The following WASL variants were observed in gnomAD, a reference collection of about 807,000 sequenced individuals.
WASL encodes the protein actin nucleation-promoting factor WASL.
Under a neutral mutation model 55.5 loss-of-function variants are expected in WASL, and 20 were observed. The ratio of observed to expected loss-of-function variants is 0.36; its 90% CI spans 0.25 to 0.52. The LOEUF (loss-of-function observed/expected upper bound fraction) is 0.52. WASL is among the 20% of genes least tolerant of loss of function. The pLI is 0.92. For missense variants in WASL, 504 were observed against 622.5 expected (o/e 0.81, Z 2.03); for synonymous variants, 249 against 217.6 (o/e 1.14, Z -1.27).
At chr7:123,696,855 A>G (rs1268665719) in intron 5 of WASL, 108 bp from the exon 6 acceptor site, 1 of 768,262 alleles carries the variant, frequency 1.3e-6, no homozygotes, top group Non-Finnish European at 1.8e-6. Flanking sequence ...ACTTCATTAT[A>G]AATTATTTAT....
At position 123,692,640 on chromosome 7, in the gene WASL, A is replaced by T; in HGVS notation, c.1054T>A (p.Ser352Thr). Residue 352 changes from serine (S) to threonine (T), a missense_variant, in exon 9 of 11, where the codon TCC becomes ACC. Coordinates refer to ENST00000223023, the MANE Select transcript of WASL (RefSeq NM_003941.4). Reference sequence around the variant, plus strand: ...GGTGGAGGCCCTGAAGGTGCTGAGGAGGGAAGGGCTGGAGGTGGAGGAGGG... The same window carrying T: ...GGTGGAGGCCCTGAAGGTGCTGAGGTGGGAAGGGCTGGAGGTGGAGGAGGG... ...MYPPPPPALPSSAPSGPPPPP... is the reference protein window; with the variant it reads ...MYPPPPPALPTSAPSGPPPPP... 6.3e-7 allele frequency: 1 copy of T among 1,582,972 alleles called. No homozygotes were observed. Among genetic ancestry groups the T allele is most frequent in the South Asian group, 1.1e-5 (1 of 87,874 alleles).
rs1252692318 is a variant in WASL, at chr7:123,706,886, CAAAG to C, written c.253-64_253-61del. The C allele has an allele frequency of 1.8e-4, 185 of 1,044,392 alleles. 4 individuals carry two copies. The East Asian group carries it at 2.2e-3, about 13-fold the overall frequency. The allele number at this position is 1,044,392 out of a possible 1,614,324, so 64.7% of individuals were successfully genotyped here. A position where few individuals can be genotyped will look rare whatever the true frequency, so the allele number is the denominator to read the frequency against. ...CAAAACATAATCTCTAGGAATAAAA[CAAAG>C]AAGATGACTCATATTAAGAAAACTG... is the stretch of plus-strand genomic sequence containing the variant. On this transcript the variant is annotated intron_variant, in intron 2 of 10. Coordinates refer to ENST00000223023, the MANE Select transcript of WASL (RefSeq NM_003941.4).
rs748078275 is a variant in WASL at position 123,692,617 on chromosome 7, T to C, written c.1077A>G (p.Pro359=). The C allele has an allele frequency of 1.2e-6, 2 of 1,600,800 alleles. No individual in the cohort carries two copies. The highest frequency in any genetic ancestry group is 1.7e-6 in the Non-Finnish European group (2 of 1,174,180). Residue 359 remains proline, a synonymous_variant, in exon 9 of 11, where the codon CCA becomes CCG. Coordinates refer to ENST00000223023, the MANE Select transcript of WASL (RefSeq NM_003941.4). ...ALPSSAPSGP[P]PPPPSVLGVG... ...CCCCCAACACAGATGGAGGTGGTGG[T>C]GGAGGCCCTGAAGGTGCTGAGGAGG...
Position 123,684,587 on chromosome 7 carries a change from GA to G in WASL, c.1457-8del. The stretch of plus-strand genomic sequence containing the variant: ...TCTTCATCTTCATCTTCATCTACAA[GA>G]AAATCAAGACAATTAAAACATATGC... On this transcript the variant is annotated splice_region_variant and splice_polypyrimidine_tract_variant and intron_variant, in intron 10 of 10. Transcript: ENST00000223023. 6.7e-7 allele frequency: 1 copy of G among 1,496,824 alleles called. No homozygotes were observed. Among genetic ancestry groups the G allele is most frequent in the African/African-American group, 1.4e-5 (1 of 70,852 alleles). 92.7% of individuals were successfully genotyped at this position (1,496,824 alleles called of 1,614,324 possible). A position where few individuals can be genotyped will look rare whatever the true frequency, so the allele number is the denominator to read the frequency against.
chr7:123,706,668 A>T, intron 3 of WASL, 72 bp downstream of exon 3: 1 of 1,131,520 alleles, frequency 8.8e-7, no homozygotes, highest in Non-Finnish European at 1.3e-6. Context: ...ATAAGGTTCT[A>T]TAAATAATTT....
chr7:123,712,359 A>G (rs1464020699), intron 1 of WASL, among the ~76,000 whole-genome samples: 1 of 152,190 alleles, frequency 6.6e-6, no homozygotes, highest in African/African-American at 2.4e-5. Context: ...GTGAACAAGT[A>G]TTTGTTAAAA....
At chr7:123,717,482 T>C (rs1303385233) in intron 1 of WASL, among the ~76,000 whole-genome samples, 2 of 152,180 alleles carry the variant, frequency 1.3e-5, no homozygotes. Context: ...TAATTTCCTG[T>C]CCCTCTTGGA....
chr7:123,738,883 AAAAC>A (rs1804282600), intron 1 of WASL, among the ~76,000 whole-genome samples: 2 of 152,106 alleles, frequency 1.3e-5, no homozygotes, highest in Admixed American at 1.3e-4. Flanking sequence ...GAGCAAAACA[AAAAC>A]AAAAAACTGC....
chr7:123,748,825 A>G lies in WASL; in HGVS notation c.-91T>C. ...CCCTCTCGGTGACAGGGGCGGGGAG[A>G]AGTGGAGTCAGAGGCGCCACATCTC... is the stretch of plus-strand genomic sequence containing the variant. On this transcript the variant is annotated 5_prime_UTR_variant, in exon 1 of 11. Transcript: ENST00000223023. 1 of 1,135,320 alleles carries G rather than the reference A, an allele frequency of 8.8e-7. No homozygotes were observed. The highest frequency in any genetic ancestry group is 1.2e-6 in the Non-Finnish European group (1 of 823,688). 70.3% of individuals were successfully genotyped at this position (1,135,320 alleles called of 1,614,324 possible).
At chr7:123,689,542 T>A (rs1185613698) in intron 9 of WASL, among the ~76,000 whole-genome samples, 2 of 152,126 alleles carry the variant, frequency 1.3e-5, no homozygotes, top group African/African-American at 4.8e-5. Flanking sequence ...GACTCCAGAG[T>A]TGTTACGTGG....
In WASL at chr7:123,682,065, A is replaced by T. The variant is rs997193577; in HGVS notation, c.*2454T>A. The T allele has an allele frequency of 1.3e-5, 2 of 152,172 alleles. No individual in the cohort carries two copies. The highest frequency in any genetic ancestry group is 1.3e-4 in the Admixed American group (2 of 15,252). 9.4% of individuals were successfully genotyped at this position (152,172 alleles called of 1,614,324 possible). A position where few individuals can be genotyped will look rare whatever the true frequency, so the allele number is the denominator to read the frequency against. ...CTAAACAAAATTTCAGTTGTCTGAA[A>T]ATGAAATGATTGAAAGTCTTTATGA... On this transcript the variant is annotated 3_prime_UTR_variant, in exon 11 of 11. Coordinates refer to ENST00000223023, the MANE Select transcript of WASL (RefSeq NM_003941.4).
chr7:123,700,734 G>A (rs1006604066), intron 5 of WASL, among the ~76,000 whole-genome samples: 3 of 152,114 alleles, frequency 2.0e-5, no homozygotes, highest in Non-Finnish European at 2.9e-5. Flanking sequence ...CACCGTGCCC[G>A]GCCAACTATT....
intron 10 of WASL, among the ~76,000 whole-genome samples, chr7:123,686,172 T>C (rs1048401512): frequency 4.0e-5 from 6 of 151,588 alleles, no homozygotes; most frequent in Admixed American, 6.6e-5. Context: ...CTAAACTAAG[T>C]TGTTACTTTT....
At chr7:123,734,452 C>T (rs1308982901) in intron 1 of WASL, among the ~76,000 whole-genome samples, 2 of 152,020 alleles carry the variant, frequency 1.3e-5, no homozygotes, top group Non-Finnish European at 2.9e-5. Flanking sequence ...ATTAAAATAA[C>T]TAAAAATCCA....
chr7:123,732,568 C>G (rs1804158049), intron 1 of WASL, among the ~76,000 whole-genome samples: 1 of 152,012 alleles, frequency 6.6e-6, no homozygotes, highest in African/African-American at 2.4e-5. Context: ...TAATAACCTT[C>G]CAAAGCAAAA....
intron 1 of WASL, among the ~76,000 whole-genome samples, chr7:123,716,528 G>A (rs1052849646): frequency 6.6e-6 from 1 of 151,938 alleles, no homozygotes; most frequent in East Asian, 1.9e-4. Flanking sequence ...GATTACAGGC[G>A]TGAGCCACTG....
At chr7:123,735,131 CAAAA>C (rs36043723) in intron 1 of WASL, among the ~76,000 whole-genome samples, 1 of 111,264 alleles carries the variant, frequency 9.0e-6, no homozygotes, top group Non-Finnish European at 1.9e-5. Context: ...AGTGTCTGAC[CAAAA>C]AAAAAAAAAA....
chr7:123,709,532 A>G (rs1803723126), intron 1 of WASL, among the ~76,000 whole-genome samples: 1 of 151,446 alleles, frequency 6.6e-6, no homozygotes, highest in African/African-American at 2.5e-5. Context: ...TATTACTATG[A>G]TAACTTCATT....
chr7:123,708,400 C>T (rs1051887313), intron 2 of WASL, among the ~76,000 whole-genome samples: 4 of 152,132 alleles, frequency 2.6e-5, no homozygotes, highest in Non-Finnish European at 5.9e-5. Context: ...TAATTAAAAT[C>T]TCATTGCACT....
Sources: allele counts gnomAD v4.1 joint callset (sites outside exome capture counted in the v4.1 genomes callset), GRCh38; gene constraint gnomAD v4.1.1; transcripts MANE v1.5; gene names NCBI Gene and HGNC (gene_info 2026-07-23, HGNC 2026-07-21).